The following GALNT2 variants were observed in gnomAD, a reference collection of about 807,000 sequenced individuals.
GALNT2 encodes UDP-GalNAc:polypeptide N-acetylgalactosaminyltransferase 2.
A neutral mutation model predicts 81.4 loss-of-function variants in GALNT2; 31 were observed. The observed-to-expected ratio is 0.38, with a 90% CI of 0.29 to 0.51. The LOEUF (loss-of-function observed/expected upper bound fraction) is 0.51. GALNT2 is among the 20% of genes least tolerant of loss of function. The pLI, the probability that GALNT2 is intolerant of heterozygous loss-of-function variation, is 0.87. For synonymous variants in GALNT2, 303 were observed against 287.4 expected, an observed-to-expected ratio of 1.05 and a Z score of -0.55; for missense variants, 629 against 765.7, an observed-to-expected ratio of 0.82 and a Z score of 2.11.
At chr1:230,214,309 A>G (rs1344763698) in intron 3 of GALNT2, among the ~76,000 whole-genome samples, 1 of 152,050 alleles carries the variant, frequency 6.6e-6, no homozygotes, top group Non-Finnish European at 1.5e-5. Flanking sequence ...ACTAGGCTTC[A>G]CCATGTTGGC....
rs1665263269 is a variant in GALNT2 at position 230,243,435 on chromosome 1, G to C, written c.729+8G>C. 1 of 1,610,040 alleles carries C rather than the reference G, an allele frequency of 6.2e-7. No homozygotes were observed. Among genetic ancestry groups the C allele is most frequent in the East Asian group, 2.2e-5 (1 of 44,820 alleles). ...CTGGAAAGGGTGGCGGAGGTGAGAT[G>C]ACGGGGGCTGGGAGGGGTGTCAGGT... On this transcript the variant is annotated splice_region_variant and intron_variant, in intron 7 of 15. Coordinates refer to ENST00000366672, the MANE Select transcript of GALNT2 (RefSeq NM_004481.5). The surrounding 1 kb of genome is among the most constrained non-coding windows in gnomAD (Gnocchi z 4.2).
chr1:230,080,457 G>T (rs1035403434), intron 1 of GALNT2, among the ~76,000 whole-genome samples: 1 of 152,192 alleles, frequency 6.6e-6, no homozygotes, highest in African/African-American at 2.4e-5. Context: ...TTGCCATTTA[G>T]GTCCTGGTGC....
At chr1:230,123,148 C>G (rs1661072516) in intron 1 of GALNT2, among the ~76,000 whole-genome samples, 1 of 152,204 alleles carries the variant, frequency 6.6e-6, no homozygotes, top group Non-Finnish European at 1.5e-5. Context: ...GCATCGTGGT[C>G]ACAGCTAGTC....
chr1:230,203,347 C>T (rs1468846432), intron 3 of GALNT2, 57 bp downstream of exon 3: 18 of 1,577,568 alleles, frequency 1.1e-5, no homozygotes, highest in Admixed American at 1.7e-5. Flanking sequence ...CAAACCAGTA[C>T]GTCGCTTTCA....
intron 13 of GALNT2, 64 bp from the exon 14 acceptor site, chr1:230,265,177 G>A: frequency 6.2e-7 from 1 of 1,610,178 alleles, no homozygotes; most frequent in Non-Finnish European, 8.5e-7. Context: ...TGAGCAAAGG[G>A]GCTGGTGGAC....
chr1:230,131,827 A>G (rs1399295548), intron 1 of GALNT2, among the ~76,000 whole-genome samples: 2 of 152,354 alleles, frequency 1.3e-5, no homozygotes, highest in East Asian at 1.9e-4. Flanking sequence ...TCATAAATGC[A>G]GAATGTTGGC....
In GALNT2 at chr1:230,223,191, CT is replaced by C. The variant is rs68127660; in HGVS notation, c.375-12808del. On this transcript the variant is annotated intron_variant, in intron 3 of 15. Transcript: ENST00000366672. ...ACCCCACTTTATTTGTTTTTCTTTT[CT>C]TTTTTTTTTTTTTTAATAGAGATGG... is the stretch of plus-strand genomic sequence containing the variant. 1.7e-3 allele frequency among the ~76,000 whole-genome samples: 239 copies of C among 139,144 alleles called. 1 individual carries two copies. The highest frequency in any genetic ancestry group is 3.8e-3 in the Middle Eastern group (1 of 260). The allele number at this position is 139,144 out of a possible 152,430, so 91.3% of individuals were successfully genotyped here.
chr1:230,159,790 T>A (rs538154281), intron 1 of GALNT2, among the ~76,000 whole-genome samples: 2 of 152,358 alleles, frequency 1.3e-5, no homozygotes, highest in African/African-American at 4.8e-5. Context: ...GCTGGCTGGC[T>A]TTGGGTGCAA....
chr1:230,122,730 T>A (rs1345432723), intron 1 of GALNT2, among the ~76,000 whole-genome samples: 2 of 152,126 alleles, frequency 1.3e-5, no homozygotes, highest in Non-Finnish European at 2.9e-5. Context: ...ATTTATTATC[T>A]ATATTTAGGA....
chr1:230,216,338 G>A (rs950635900), intron 3 of GALNT2, among the ~76,000 whole-genome samples: 13 of 152,062 alleles, frequency 8.5e-5, no homozygotes, highest in Non-Finnish European at 1.6e-4. Context: ...ATATGGTTTC[G>A]GAGATTACTT....
intron 1 of GALNT2, among the ~76,000 whole-genome samples, chr1:230,094,298 ACCATGCCTGG>A (rs1367955020): frequency 6.8e-6 from 1 of 148,086 alleles, no homozygotes; most frequent in Non-Finnish European, 1.5e-5. Flanking sequence ...GGCATGAGCC[ACCATGCCTGG>A]CCTTATTTTT....
chr1:230,085,834 A>G (rs1194804691), intron 1 of GALNT2, among the ~76,000 whole-genome samples: 1 of 152,190 alleles, frequency 6.6e-6, no homozygotes, highest in Non-Finnish European at 1.5e-5. Flanking sequence ...AACTGTTTTG[A>G]TAGGCCACTG....
At chr1:230,178,159 G>A (rs1426463977) in intron 1 of GALNT2, 59 bp from the exon 2 acceptor site, 2 of 1,349,524 alleles carry the variant, frequency 1.5e-6, no homozygotes, top group Non-Finnish European at 2.1e-6. Flanking sequence ...GTATTGAACT[G>A]ATGAATGAAG....
At chr1:230,262,434 GC>G (rs1304912225) in intron 11 of GALNT2, 138 bp from the exon 12 acceptor site, 1 of 698,424 alleles carries the variant, frequency 1.4e-6, no homozygotes, top group Non-Finnish European at 2.5e-6. Flanking sequence ...CCCACCCTCT[GC>G]TGTGTGCCGT....
At chr1:230,142,713 G>A (rs1032125828) in intron 1 of GALNT2, among the ~76,000 whole-genome samples, 2 of 58,300 alleles carry the variant, frequency 3.4e-5, no homozygotes, top group Non-Finnish European at 8.3e-5. Context: ...TGCCTGCTCT[G>A]TTCACCTAAG....
chr1:230,126,710 A>ATGTCAAT (rs1661194621), intron 1 of GALNT2, among the ~76,000 whole-genome samples: 1 of 152,206 alleles, frequency 6.6e-6, no homozygotes, highest in Non-Finnish European at 1.5e-5. Context: ...CAAAATCTAA[A>ATGTCAAT]GTTGTACAAA....
intron 3 of GALNT2, among the ~76,000 whole-genome samples, chr1:230,232,504 A>G (rs1664896102): frequency 6.6e-6 from 1 of 152,200 alleles, no homozygotes; most frequent in African/African-American, 2.4e-5. Context: ...ATGATGTAGC[A>G]TGAAAAAATG....
intron 2 of GALNT2, among the ~76,000 whole-genome samples, chr1:230,186,807 A>C (rs1663351228): frequency 6.6e-6 from 1 of 152,234 alleles, no homozygotes; most frequent in Non-Finnish European, 1.5e-5. Context: ...TATTAGTAGT[A>C]ATTTTTGATA....
chr1:230,247,850 TAATAA>T (rs1337650560), intron 8 of GALNT2, among the ~76,000 whole-genome samples: 11 of 152,112 alleles, frequency 7.2e-5, no homozygotes, highest in Non-Finnish European at 4.4e-5. Context: ...TGGACCAAAT[TAATAA>T]AATAAATAAT....
Sources: allele counts gnomAD v4.1 joint callset (sites outside exome capture counted in the v4.1 genomes callset), GRCh38; gene constraint gnomAD v4.1.1; non-coding constraint Gnocchi (gnomAD v3.1); transcripts MANE v1.5; gene names NCBI Gene and HGNC (gene_info 2026-07-23, HGNC 2026-07-21).